The following MRPL3 variants were observed in gnomAD, a reference collection of about 807,000 sequenced individuals.
MRPL3 encodes large ribosomal subunit protein uL3m.
MRPL3 carries 43 observed loss-of-function variants against 44.3 expected under a neutral mutation model. That is an observed-to-expected ratio of 0.97 (90% CI 0.76 to 1.25). The LOEUF (loss-of-function observed/expected upper bound fraction) is 1.25. Ranked by LOEUF, MRPL3 falls within the 50% of genes most tolerant of loss-of-function variation. MRPL3 has a pLI of 0.00. For missense variants in MRPL3, 406 were observed against 427.6 expected (o/e 0.95, Z 0.45); for synonymous variants, 171 against 152.3 (o/e 1.12, Z -0.91).
intron 6 of MRPL3, among the ~76,000 whole-genome samples, chr3:131,474,786 TA>T (rs1247230569): frequency 8.0e-6 from 1 of 125,708 alleles, no homozygotes; most frequent in Non-Finnish European, 1.8e-5. Flanking sequence ...TTTTTTTTTT[TA>T]AAGAGACAGG....
At chr3:131,485,995 G>A (rs1197192215) in intron 6 of MRPL3, among the ~76,000 whole-genome samples, 1 of 152,042 alleles carries the variant, frequency 6.6e-6, no homozygotes, top group Non-Finnish European at 1.5e-5. Context: ...AGAAAACTGA[G>A]GCATCAAAAG....
chr3:131,498,180 C>T lies in MRPL3; in HGVS notation c.467G>A (p.Arg156His), dbSNP rs537480020. ...CTAGCTATGAAAATACATCCTTACA[C>T]GAAAACGTGATACAGTTTTTCCTCC... ...SVGGKTVSRF[R>H]KATSILEFYR... The change falls in exon 4 of 10, where the codon CGT becomes CAT. Residue 156 changes from arginine to histidine, a missense_variant and splice_region_variant. Coordinates refer to ENST00000264995, the MANE Select transcript of MRPL3 (RefSeq NM_007208.4). 5.5e-5 allele frequency: 87 copies of T among 1,588,212 alleles called. No individual in the cohort carries two copies. The highest frequency in any genetic ancestry group is 4.4e-4 in the South Asian group (40 of 90,396).
intron 4 of MRPL3, among the ~76,000 whole-genome samples, chr3:131,496,988 C>G (rs1363923840): frequency 1.3e-5 from 2 of 152,228 alleles, no homozygotes; most frequent in Admixed American, 6.5e-5. Flanking sequence ...GTTGTCTCTG[C>G]TTCTGCAGAG....
chr3:131,462,626 T>G lies in MRPL3; in HGVS notation c.*97A>C. 1.7e-6 allele frequency: 2 copies of G among 1,186,444 alleles called. No individual in the cohort carries two copies. The highest frequency in any genetic ancestry group is 1.2e-6 in the Non-Finnish European group (1 of 860,724). 73.5% of individuals were successfully genotyped at this position (1,186,444 alleles called of 1,614,324 possible). On this transcript the variant is annotated 3_prime_UTR_variant, in exon 10 of 10. Transcript: ENST00000264995. ...AAAGATGACATGTGTGATTTTGTTG[T>G]GACTAAGAAAGGAGAGTATGATTTC...
intron 3 of MRPL3, among the ~76,000 whole-genome samples, chr3:131,499,840 T>G (rs1934454986): frequency 6.6e-6 from 1 of 151,586 alleles, no homozygotes; most frequent in Non-Finnish European, 1.5e-5. Flanking sequence ...TATCATCTGG[T>G]GCAATCTACA....
intron 9 of MRPL3, among the ~76,000 whole-genome samples, chr3:131,465,455 T>G (rs1019687397): frequency 6.6e-6 from 1 of 152,170 alleles, no homozygotes; most frequent in African/African-American, 2.4e-5. Context: ...AGGGATATTG[T>G]AGAAGTACTT....
chr3:131,467,014 T>C (rs1215512953), intron 9 of MRPL3, among the ~76,000 whole-genome samples: 4 of 152,254 alleles, frequency 2.6e-5, no homozygotes, highest in African/African-American at 9.6e-5. Flanking sequence ...CCCCAGCCTC[T>C]GGTAAAACCA....
intron 6 of MRPL3, chr3:131,487,358 T>A: frequency 4.5e-6 from 1 of 220,592 alleles, no homozygotes; most frequent in Non-Finnish European, 8.9e-6. Flanking sequence ...AAATGACGAG[T>A]TGATGGGTGC....
chr3:131,479,371 G>A (rs1289031433), intron 6 of MRPL3: 2 of 191,316 alleles, frequency 1.0e-5, no homozygotes, highest in Non-Finnish European at 2.3e-5. Flanking sequence ...ACCCAAATCA[G>A]GCTACATTTT....
intron 3 of MRPL3, among the ~76,000 whole-genome samples, chr3:131,498,894 A>G (rs776778581): frequency 2.0e-5 from 3 of 152,140 alleles, no homozygotes; most frequent in Non-Finnish European, 4.4e-5. Flanking sequence ...TATGGTCACC[A>G]GACAAGCAGT....
chr3:131,478,096 G>A (rs1213648963), intron 6 of MRPL3, among the ~76,000 whole-genome samples: 5 of 152,136 alleles, frequency 3.3e-5, no homozygotes, highest in South Asian at 4.1e-4. Flanking sequence ...GAGCTGTAAT[G>A]GCAGAATAAG....
At chr3:131,479,032 T>C (rs1482167468) in intron 6 of MRPL3, 3 of 422,758 alleles carry the variant, frequency 7.1e-6, no homozygotes, top group African/African-American at 6.2e-5. Context: ...TCAAAATCCA[T>C]ACTCTAAGTA....
At chr3:131,485,029 A>G (rs1027005) in intron 6 of MRPL3, among the ~76,000 whole-genome samples, 112,825 of 152,064 alleles carry the variant, frequency 0.74, 43,169 homozygotes, top group African/African-American at 0.91. Context: ...AGAGTTGACT[A>G]TCACTACTTT....
At chr3:131,493,261 G>A (rs1934297037) in intron 4 of MRPL3, among the ~76,000 whole-genome samples, 1 of 152,182 alleles carries the variant, frequency 6.6e-6, no homozygotes, top group Admixed American at 6.5e-5. Context: ...TTATTCTGGT[G>A]AAAGAGGCAC....
Position 131,471,169 on chromosome 3 carries a change from A to C in MRPL3, c.738+2T>G. 1 of 1,602,648 alleles carries C rather than the reference A, an allele frequency of 6.2e-7. No individual in the cohort carries two copies. Among genetic ancestry groups the C allele is most frequent in the Non-Finnish European group, 8.5e-7 (1 of 1,170,288 alleles). ...AAAAAGAGCTTCACTAGTTATACTC[A>C]CACCAGTTGCAACAGCTCCAGGTCT... On this transcript the variant is annotated splice_donor_variant, in intron 7 of 9. Transcript: ENST00000264995. LOFTEE classifies it high-confidence loss of function.
rs1204942927 is a variant in MRPL3, at chr3:131,490,071, A to G, written c.478T>C (p.Ser160Pro). The G allele has an allele frequency of 1.2e-6, 2 of 1,605,780 alleles. No homozygotes were observed. Among genetic ancestry groups the G allele is most frequent in the Non-Finnish European group, 1.7e-6 (2 of 1,172,768 alleles). ...AGTTCCCGGTAAAATTCCAATATGG[A>G]TGTAGCTTTCTAGAGGAAAAGCAGC... ...KTVSRFRKATSILEFYRELGL... is the reference protein window; with the variant it reads ...KTVSRFRKATPILEFYRELGL... Residue 160 changes from serine to proline, a missense_variant, in exon 5 of 10, where the codon TCC becomes CCC. Coordinates refer to ENST00000264995, the MANE Select transcript of MRPL3 (RefSeq NM_007208.4).
At chr3:131,489,083 A>G (rs1025766625) in intron 5 of MRPL3, among the ~76,000 whole-genome samples, 1 of 152,076 alleles carries the variant, frequency 6.6e-6, no homozygotes, top group African/African-American at 2.4e-5. Context: ...AGAAAGTTAG[A>G]TGTGTTAATA....
At chr3:131,487,907 T>C (rs146321529) in intron 5 of MRPL3, among the ~76,000 whole-genome samples, 167 bp from the exon 6 acceptor site, 1,831 of 152,328 alleles carry the variant, frequency 0.012, 44 homozygotes, top group African/African-American at 0.041. Context: ...AACAAATATG[T>C]CTTTTGATTG....
chr3:131,469,615 A>G (rs1028936215), intron 8 of MRPL3, 81 bp downstream of exon 8: 1 of 967,014 alleles, frequency 1.0e-6, no homozygotes, highest in Admixed American at 2.1e-5. Flanking sequence ...AATGGTACAG[A>G]CACAGATTAA....
Sources: gnomAD v4.1 joint callset for allele counts (sites outside exome capture counted in the v4.1 genomes callset) on GRCh38, gnomAD v4.1.1 for gene constraint, MANE v1.5 for transcripts, NCBI Gene and HGNC (gene_info 2026-07-23, HGNC 2026-07-21) for gene names.